The following ZNF230 variants were observed in gnomAD, a reference collection of about 807,000 sequenced individuals.
ZNF230 encodes zinc finger protein FDZF2.
In ZNF230, 12 loss-of-function variants were observed where a neutral mutation model predicts 10.0. The ratio of observed to expected loss-of-function variants is 1.20; its 90% CI spans 0.77 to 1.95. ZNF230 has a LOEUF of 1.95. ZNF230 is among the 30% of genes most tolerant of loss of function. ZNF230 has a pLI of 0.00. For missense variants in ZNF230, 532 were observed against 565.8 expected, an observed-to-expected ratio of 0.94 and a Z score of 0.61; for synonymous variants, 174 against 193.6, an observed-to-expected ratio of 0.90 and a Z score of 0.84.
rs1395412831 is a variant in ZNF230, at chr19:44,012,838, T to G, written c.*1374T>G. On this transcript the variant is annotated 3_prime_UTR_variant, in exon 5 of 5. Transcript: ENST00000429154. ...TCAGTTCTGCAATCCAAAGCATTAT[T>G]TTGGGTAATCTTACCCTGTTGCACT... The G allele has an allele frequency of 3.9e-5, 7 of 178,794 alleles. No individual in the cohort carries two copies. Among genetic ancestry groups the G allele is most frequent in the Admixed American group, 1.2e-4 (2 of 16,172 alleles). 11.1% of individuals were successfully genotyped at this position (178,794 alleles called of 1,614,324 possible). A position where few individuals can be genotyped will look rare whatever the true frequency, so the allele number is the denominator to read the frequency against.
At position 44,012,702 on chromosome 19, in the gene ZNF230, A is replaced by C. The variant is rs1599853567; in HGVS notation, c.*1238A>C. On this transcript the variant is annotated 3_prime_UTR_variant, in exon 5 of 5. Transcript: ENST00000429154. ...AACACTGATTAGCACTTACATGTTTAGTATGTGTTAAATGACTCAAAAGGA... is the reference window on the plus strand; with the variant it reads ...AACACTGATTAGCACTTACATGTTTCGTATGTGTTAAATGACTCAAAAGGA... The C allele has an allele frequency of 4.7e-5, 12 of 254,054 alleles. No homozygotes were observed. The highest frequency in any genetic ancestry group is 4.6e-4 in the South Asian group (12 of 25,828). The allele number at this position is 254,054 out of a possible 1,614,324, so 15.7% of individuals were successfully genotyped here.
In ZNF230 at chr19:44,011,568, T is replaced by G; in HGVS notation, c.*104T>G. 2 of 1,241,312 alleles carry G rather than the reference T, an allele frequency of 1.6e-6. No homozygotes were observed. Among genetic ancestry groups the G allele is most frequent in the Non-Finnish European group, 2.2e-6 (2 of 912,698 alleles). The allele number at this position is 1,241,312 out of a possible 1,614,324, so 76.9% of individuals were successfully genotyped here. ...TGTATTACCTTAAACAATTAACATT[T>G]CTTTGTTTTGGGAAAATTCAAAATC... is the stretch of plus-strand genomic sequence containing the variant. On this transcript the variant is annotated 3_prime_UTR_variant, in exon 5 of 5. Coordinates refer to ENST00000429154, the MANE Select transcript of ZNF230 (RefSeq NM_006300.4).
At chr19:44,007,858 C>T (rs1360215118) in intron 2 of ZNF230, among the ~76,000 whole-genome samples, 2 of 152,212 alleles carry the variant, frequency 1.3e-5, no homozygotes, top group African/African-American at 2.4e-5. Flanking sequence ...TTTGCCAGTC[C>T]AGAGTTCTGT....
In ZNF230 at chr19:44,011,418, G is replaced by A. The variant is rs375370769; in HGVS notation, c.1379G>A (p.Arg460His). Residue 460 changes from arginine to histidine, a missense_variant, in exon 5 of 5, where the codon CGC (arginine) becomes CAC (histidine). Coordinates refer to ENST00000429154, the MANE Select transcript of ZNF230 (RefSeq NM_006300.4). ...GACTGTGGGAAGCGCTACAAGAGGCGCTTGAATCTGGATATAATTTTATCA... is the reference window on the plus strand; with the variant it reads ...GACTGTGGGAAGCGCTACAAGAGGCACTTGAATCTGGATATAATTTTATCA... ...CEDCGKRYKRRLNLDIILSLF... is the reference protein window; with the variant it reads ...CEDCGKRYKRHLNLDIILSLF... 73 of 1,606,168 alleles carry A rather than the reference G, an allele frequency of 4.5e-5. 1 individual carries two copies. Among genetic ancestry groups the A allele is most frequent in the African/African-American group, 2.3e-4 (17 of 74,234 alleles).
At chr19:44,007,414 T>C (rs1976133346) in intron 2 of ZNF230, among the ~76,000 whole-genome samples, 1 of 152,204 alleles carries the variant, frequency 6.6e-6, no homozygotes, top group South Asian at 2.1e-4. Flanking sequence ...TGTATTTGTA[T>C]TGATGATGGA....
In ZNF230 at chr19:44,005,606, A is replaced by T. The variant is rs555297996; in HGVS notation, c.-68-1405A>T. On this transcript the variant is annotated intron_variant, in intron 1 of 4. Transcript: ENST00000429154. Reference sequence around the variant, plus strand: ...TGTTCAGTTTTTCATTTAAAGTCCTATGCCAGGCACAGTGGCTCATGCCTG... The same window carrying T: ...TGTTCAGTTTTTCATTTAAAGTCCTTTGCCAGGCACAGTGGCTCATGCCTG... Among the ~76,000 whole-genome samples the T allele has an allele frequency of 2.0e-5, 3 of 152,276 alleles. No homozygotes were observed. In the South Asian group the frequency reaches 6.2e-4, roughly 32 times the overall value.
In ZNF230 at chr19:44,011,700, T is replaced by A; in HGVS notation, c.*236T>A. 2.4e-6 allele frequency: 1 copy of A among 419,178 alleles called. No individual in the cohort carries two copies. Among genetic ancestry groups the A allele is most frequent in the East Asian group, 4.9e-5 (1 of 20,542 alleles). The allele number at this position is 419,178 out of a possible 1,614,324, so 26.0% of individuals were successfully genotyped here. ...TTTCTCCTATCTAGCAGTACTTATG[T>A]ATCTTGTTACCCAATCTTTGGCTAT... On this transcript the variant is annotated 3_prime_UTR_variant, in exon 5 of 5. Coordinates refer to ENST00000429154, the MANE Select transcript of ZNF230 (RefSeq NM_006300.4).
Position 44,007,069 on chromosome 19 carries a change from A to G in ZNF230, c.-10A>G. ...CAAGACACTGAAGACTCCAAAAAGT[A>G]GTAGGAAAAATGACCACATTCAAGG... On this transcript the variant is annotated 5_prime_UTR_variant, in exon 2 of 5. It removes the in-frame stop codon of an upstream open reading frame in the 5' UTR. Transcript: ENST00000429154. 1.2e-6 allele frequency: 2 copies of G among 1,605,716 alleles called. No homozygotes were observed. Among genetic ancestry groups the G allele is most frequent in the Non-Finnish European group, 1.7e-6 (2 of 1,172,880 alleles).
chr19:44,011,059 A>G lies in ZNF230; in HGVS notation c.1020A>G (p.Glu340=). ...HTGQKPYNCK[E]CGKSFRWSSY... is the part of the protein sequence containing the mutation. The stretch of plus-strand genomic sequence containing the variant: ...GACAGAAACCGTACAATTGTAAAGA[A>G]TGTGGGAAGAGCTTCAGATGGTCCT... The change falls in exon 5 of 5, where the codon GAA becomes GAG. Residue 340 remains glutamate (E), a synonymous_variant. Coordinates refer to ENST00000429154, the MANE Select transcript of ZNF230 (RefSeq NM_006300.4). 6.2e-7 allele frequency: 1 copy of G among 1,614,236 alleles called. No individual in the cohort carries two copies. Among genetic ancestry groups the G allele is most frequent in the Non-Finnish European group, 8.5e-7 (1 of 1,180,030 alleles).
Position 44,011,248 on chromosome 19 carries a change from G to A in ZNF230, c.1209G>A (p.Arg403=). Residue 403 remains arginine (R), a synonymous_variant, in exon 5 of 5, where the codon CGG becomes CGA. Coordinates refer to ENST00000429154, the MANE Select transcript of ZNF230 (RefSeq NM_006300.4). ...NCKECGKSFS[R]ASSILNHKKL... ...AGGAATGTGGGAAGAGCTTTAGCCGGGCTTCAAGTATTTTGAATCATAAGA... is the reference window on the plus strand; with the variant it reads ...AGGAATGTGGGAAGAGCTTTAGCCGAGCTTCAAGTATTTTGAATCATAAGA... 6.2e-7 allele frequency: 1 copy of A among 1,614,016 alleles called. No individual in the cohort carries two copies. The highest frequency in any genetic ancestry group is 8.5e-7 in the Non-Finnish European group (1 of 1,179,994).
rs552278940 is a variant in ZNF230, at chr19:44,013,503, A to C, written c.*2039A>C. The C allele has an allele frequency of 6.6e-6, 1 of 152,362 alleles. No homozygotes were observed. The highest frequency in any genetic ancestry group is 2.1e-4 in the South Asian group (1 of 4,830). The allele number at this position is 152,362 out of a possible 1,614,324, so 9.4% of individuals were successfully genotyped here. A position where few individuals can be genotyped will look rare whatever the true frequency, so the allele number is the denominator to read the frequency against. ...TTAAAACTGTGAAAAGTAGAAAACCACATGGATGATATCACCCCATTTTAA... is the reference window on the plus strand; with the variant it reads ...TTAAAACTGTGAAAAGTAGAAAACCCCATGGATGATATCACCCCATTTTAA... On this transcript the variant is annotated 3_prime_UTR_variant, in exon 5 of 5. Coordinates refer to ENST00000429154, the MANE Select transcript of ZNF230 (RefSeq NM_006300.4).
At position 44,011,288 on chromosome 19, in the gene ZNF230, A is replaced by G; in HGVS notation, c.1249A>G (p.Lys417Glu). ...ILNHKKLHCR[K>E]KPFKCEDCGK... The stretch of plus-strand genomic sequence containing the variant: ...GAATCATAAGAAACTCCACTGCCGG[A>G]AAAAACCCTTCAAATGTGAGGATTG... The change falls in exon 5 of 5, where the codon AAA becomes GAA. Residue 417 changes from lysine (K) to glutamate (E), a missense_variant. Transcript: ENST00000429154. 6.2e-7 allele frequency: 1 copy of G among 1,614,092 alleles called. No homozygotes were observed. Among genetic ancestry groups the G allele is most frequent in the South Asian group, 1.1e-5 (1 of 91,080 alleles).
intron 1 of ZNF230, chr19:44,003,734 G>T: frequency 4.6e-6 from 1 of 216,576 alleles, no homozygotes; most frequent in South Asian, 8.3e-5. Context: ...GGCTACTGAG[G>T]GCAAATCTCT....
Position 44,011,294 on chromosome 19 carries a change from C to G in ZNF230, c.1255C>G (p.Pro419Ala). ...NHKKLHCRKK[P>A]FKCEDCGKRL... is the part of the protein sequence containing the mutation. ...TAAGAAACTCCACTGCCGGAAAAAA[C>G]CCTTCAAATGTGAGGATTGTGGAAA... Residue 419 changes from proline to alanine, a missense_variant, in exon 5 of 5, where the codon CCC becomes GCC. Coordinates refer to ENST00000429154, the MANE Select transcript of ZNF230 (RefSeq NM_006300.4). 1 of 1,614,142 alleles carries G rather than the reference C, an allele frequency of 6.2e-7. No individual in the cohort carries two copies. Among genetic ancestry groups the G allele is most frequent in the Non-Finnish European group, 8.5e-7 (1 of 1,180,030 alleles).
chr19:44,011,376 ACT>A lies in ZNF230; in HGVS notation c.1339_1340del (p.Ser447IlefsTer4). ...CAACAAGGAGACCACAATGGAGAAAACTCATCCAAATGTGAGGACTGTGGGAA... is the reference window on the plus strand; with the variant it reads ...CAACAAGGAGACCACAATGGAGAAAACATCCAAATGTGAGGACTGTGGGAA... On this transcript the variant is annotated frameshift_variant, in exon 5 of 5. Coordinates refer to ENST00000429154, the MANE Select transcript of ZNF230 (RefSeq NM_006300.4). LOFTEE classifies it low-confidence loss of function (END_TRUNC). The A allele has an allele frequency of 6.2e-7, 1 of 1,614,008 alleles. No homozygotes were observed. The highest frequency in any genetic ancestry group is 8.5e-7 in the Non-Finnish European group (1 of 1,179,930).
chr19:44,005,840 G>C (rs888225501), intron 1 of ZNF230, among the ~76,000 whole-genome samples: 1 of 152,178 alleles, frequency 6.6e-6, no homozygotes, highest in Non-Finnish European at 1.5e-5. Context: ...AGTGAGCTGA[G>C]ATCGCGCCAC....
rs1976197321 is a variant in ZNF230, at chr19:44,012,521, G to C, written c.*1057G>C. Reference sequence around the variant, plus strand: ...AGAACTCTTGTAAATTGTGCAGTAGGGTTGCAAACAGAACTTACGCTTGTC... The same window carrying C: ...AGAACTCTTGTAAATTGTGCAGTAGCGTTGCAAACAGAACTTACGCTTGTC... On this transcript the variant is annotated 3_prime_UTR_variant, in exon 5 of 5. Transcript: ENST00000429154. The C allele has an allele frequency of 7.8e-6, 4 of 513,590 alleles. No homozygotes were observed. Among genetic ancestry groups the C allele is most frequent in the South Asian group, 5.7e-5 (4 of 70,534 alleles). The allele number at this position is 513,590 out of a possible 1,614,324, so 31.8% of individuals were successfully genotyped here. A position where few individuals can be genotyped will look rare whatever the true frequency, so the allele number is the denominator to read the frequency against.
In ZNF230 at chr19:44,011,807, A is replaced by G. The variant is rs1976187707; in HGVS notation, c.*343A>G. On this transcript the variant is annotated 3_prime_UTR_variant, in exon 5 of 5. Coordinates refer to ENST00000429154, the MANE Select transcript of ZNF230 (RefSeq NM_006300.4). Reference sequence around the variant, plus strand: ...TATGAAATCAACTTTTTTAGCTTCCATATGTGTGTGAGGACAGTTAGTATT... The same window carrying G: ...TATGAAATCAACTTTTTTAGCTTCCGTATGTGTGTGAGGACAGTTAGTATT... 1 of 235,516 alleles carries G rather than the reference A, an allele frequency of 4.2e-6. No individual in the cohort carries two copies. The allele number at this position is 235,516 out of a possible 1,614,324, so 14.6% of individuals were successfully genotyped here. A position where few individuals can be genotyped will look rare whatever the true frequency, so the allele number is the denominator to read the frequency against.
Position 44,010,802 on chromosome 19 carries a change from G to A in ZNF230, c.763G>A (p.Glu255Lys). ...CACAGGAGAGAAACCTTATATTTGT[G>A]AGAAATGTGGGAGGGCCTTCATTCA... Reference protein sequence around the residue: ...LHTGEKPYICEKCGRAFIHDF... With the variant: ...LHTGEKPYICKKCGRAFIHDF... Residue 255 changes from glutamate to lysine, a missense_variant, in exon 5 of 5, where the codon GAG (glutamate) becomes AAG (lysine). Transcript: ENST00000429154. 1 of 1,614,232 alleles carries A rather than the reference G, an allele frequency of 6.2e-7. No homozygotes were observed. Among genetic ancestry groups the A allele is most frequent in the South Asian group, 1.1e-5 (1 of 91,088 alleles).
Sources: allele counts gnomAD v4.1 joint callset (sites outside exome capture counted in the v4.1 genomes callset), GRCh38; gene constraint gnomAD v4.1.1; transcripts MANE v1.5; gene names NCBI Gene and HGNC (gene_info 2026-07-23, HGNC 2026-07-21).